The following PCDHGC4 variants were observed in gnomAD, a reference collection of about 807,000 sequenced individuals.
The protein encoded by PCDHGC4 is protocadherin gamma-C4.
PCDHGC4 carries 15 observed loss-of-function variants against 59.7 expected under a neutral mutation model. The observed-to-expected ratio is 0.25, with a 90% CI of 0.17 to 0.39. PCDHGC4 has a LOEUF of 0.39. Among genes scored for constraint, PCDHGC4 ranks in the 10% least tolerant of loss-of-function variants. The pLI is 1.00. For missense variants in PCDHGC4, 1,016 were observed against 1,189.5 expected, an observed-to-expected ratio of 0.85 and a Z score of 2.15; for synonymous variants, 434 against 481.4, an observed-to-expected ratio of 0.90 and a Z score of 1.29.
Position 141,491,590 on chromosome 5 carries a change from G to A in PCDHGC4, c.2443-3217G>A, listed in dbSNP as rs376104513. ...GACGTGCTTTTCACCGGCCTCGGAC[G>A]GCAGTGACTTCACTTTTCTAAGACC... On this transcript the variant is annotated intron_variant, in intron 1 of 3. Transcript: ENST00000306593. The surrounding 1 kb of genome is among the most constrained non-coding windows in gnomAD (Gnocchi z 6.9). 15 of 1,613,828 alleles carry A rather than the reference G, an allele frequency of 9.3e-6. No homozygotes were observed. In the African/African-American group the frequency reaches 2.0e-4, roughly 22 times the overall value.
rs2099883748 is a variant in PCDHGC4 at position 141,511,359 on chromosome 5, T to A, written c.*186T>A. On this transcript the variant is annotated 3_prime_UTR_variant, in exon 4 of 4. Transcript: ENST00000306593. ...CACCTACCCCTTCCCCCCCAGGGGGTTGAATATGCAAAAGCAGTTCCGCTG... is the reference window on the plus strand; with the variant it reads ...CACCTACCCCTTCCCCCCCAGGGGGATGAATATGCAAAAGCAGTTCCGCTG... 2 of 1,339,338 alleles carry A rather than the reference T, an allele frequency of 1.5e-6. No individual in the cohort carries two copies. Among genetic ancestry groups the A allele is most frequent in the Non-Finnish European group, 2.0e-6 (2 of 1,000,492 alleles). The allele number at this position is 1,339,338 out of a possible 1,614,324, so 83.0% of individuals were successfully genotyped here. A position where few individuals can be genotyped will look rare whatever the true frequency, so the allele number is the denominator to read the frequency against.
At position 141,491,456 on chromosome 5, in the gene PCDHGC4, C is replaced by G; in HGVS notation, c.2443-3351C>G. On this transcript the variant is annotated intron_variant, in intron 1 of 3. Transcript: ENST00000306593. The surrounding 1 kb of genome is among the most constrained non-coding windows in gnomAD (Gnocchi z 6.9). Reference sequence around the variant, plus strand: ...TGCAGGCGCCAGGACTCACCCTCCCCGGACTTCTATAAGCAGTCCAGCCCC... The same window carrying G: ...TGCAGGCGCCAGGACTCACCCTCCCGGGACTTCTATAAGCAGTCCAGCCCC... 1 of 1,614,104 alleles carries G rather than the reference C, an allele frequency of 6.2e-7. No homozygotes were observed. The highest frequency in any genetic ancestry group is 8.5e-7 in the Non-Finnish European group (1 of 1,180,010).
chr5:141,492,464 C>G (rs1595116794), intron 1 of PCDHGC4, among the ~76,000 whole-genome samples: 1 of 152,354 alleles, frequency 6.6e-6, no homozygotes, highest in Non-Finnish European at 1.5e-5. Context: ...GCCTGAGGGT[C>G]CCAGATCGCG....
Position 141,489,195 on chromosome 5 carries a change from A to G in PCDHGC4, c.2442+1580A>G, listed in dbSNP as rs200660227. ...ATTCCAAGCCCTGGGTCTACCTTGG[A>G]GACAGGACAGCACAGACTTACTCTC... is the stretch of plus-strand genomic sequence containing the variant. On this transcript the variant is annotated intron_variant, in intron 1 of 3. Transcript: ENST00000306593. This position sits in a 1 kb window ranked among gnomAD's most constrained non-coding sequence, Gnocchi z 4.5. 1.8e-5 allele frequency: 25 copies of G among 1,383,116 alleles called. No individual in the cohort carries two copies. The East Asian group carries it at 4.8e-4, about 27-fold the overall frequency. 85.7% of individuals were successfully genotyped at this position (1,383,116 alleles called of 1,614,324 possible). A position where few individuals can be genotyped will look rare whatever the true frequency, so the allele number is the denominator to read the frequency against.
chr5:141,493,340 T>C lies in PCDHGC4; in HGVS notation c.2443-1467T>C, dbSNP rs889623993. Among the ~76,000 whole-genome samples, 1 of 152,202 alleles carries C rather than the reference T, an allele frequency of 6.6e-6. No homozygotes were observed. Among genetic ancestry groups the C allele is most frequent in the Admixed American group, 6.5e-5 (1 of 15,288 alleles). Reference sequence around the variant, plus strand: ...TTCTAACCCCTGTCTAACTCCAGAATGTGTGCTTTTAATTTCTTGGCACTT... The same window carrying C: ...TTCTAACCCCTGTCTAACTCCAGAACGTGTGCTTTTAATTTCTTGGCACTT... On this transcript the variant is annotated intron_variant, in intron 1 of 3. Coordinates refer to ENST00000306593, the MANE Select transcript of PCDHGC4 (RefSeq NM_018928.3). The surrounding 1 kb of genome is among the most constrained non-coding windows in gnomAD (Gnocchi z 4.3).
intron 2 of PCDHGC4, among the ~76,000 whole-genome samples, chr5:141,500,001 A>G (rs961582279): frequency 6.6e-5 from 10 of 151,914 alleles, no homozygotes; most frequent in African/African-American, 2.4e-4. Context: ...TGATTCTTTC[A>G]TAAGGTCCAC....
chr5:141,496,021 G>C lies in PCDHGC4; in HGVS notation c.2501+1156G>C, dbSNP rs1011612662. Among the ~76,000 whole-genome samples, 3 of 151,454 alleles carry C rather than the reference G, an allele frequency of 2.0e-5. No individual in the cohort carries two copies. The East Asian group carries it at 5.8e-4, about 29-fold the overall frequency. ...CTTTTATCTTGTCTTTTTTCTCTGA[G>C]CCTCTGTCTCTGTCTCTCATTTTTT... On this transcript the variant is annotated intron_variant, in intron 2 of 3. Coordinates refer to ENST00000306593, the MANE Select transcript of PCDHGC4 (RefSeq NM_018928.3).
chr5:141,490,346 TG>T lies in PCDHGC4; in HGVS notation c.2442+2735del, dbSNP rs1458588422. ...GAGAGCACACCAGTGGGCACAGTAG[TG>T]GGGTTGTTTAATGTGCGAGACCGGG... On this transcript the variant is annotated intron_variant, in intron 1 of 3. Coordinates refer to ENST00000306593, the MANE Select transcript of PCDHGC4 (RefSeq NM_018928.3). The surrounding 1 kb of genome is among the most constrained non-coding windows in gnomAD (Gnocchi z 5.4). 1.2e-6 allele frequency: 2 copies of T among 1,614,164 alleles called. No individual in the cohort carries two copies. The highest frequency in any genetic ancestry group is 3.3e-5 in the Admixed American group (2 of 60,032).
rs1176011355 is a variant in PCDHGC4, at chr5:141,485,491, G to C, written c.318G>C (p.Leu106=). Reference sequence around the variant, plus strand: ...TCAGTGCCAGCTGCATCGTGCCCCTGGAGTTTGTCACCGAAGGTCCTTTGG... The same window carrying C: ...TCAGTGCCAGCTGCATCGTGCCCCTCGAGTTTGTCACCGAAGGTCCTTTGG... ...CGLSASCIVP[L]EFVTEGPLEM... The change falls in exon 1 of 4, where the codon CTG becomes CTC. Residue 106 remains leucine, a synonymous_variant. Coordinates refer to ENST00000306593, the MANE Select transcript of PCDHGC4 (RefSeq NM_018928.3). This position sits in a 1 kb window ranked among gnomAD's most constrained non-coding sequence, Gnocchi z 5.7. 6.2e-7 allele frequency: 1 copy of C among 1,614,142 alleles called. No homozygotes were observed. The highest frequency in any genetic ancestry group is 1.3e-5 in the African/African-American group (1 of 75,018).
At position 141,491,796 on chromosome 5, in the gene PCDHGC4, C is replaced by T. The variant is rs1487915203; in HGVS notation, c.2443-3011C>T. The stretch of plus-strand genomic sequence containing the variant: ...GATTGAACTTGCATCCACTCCTCTC[C>T]GGCCGGCTTGGTCGCTGGCTGCGCT... On this transcript the variant is annotated intron_variant, in intron 1 of 3. Transcript: ENST00000306593. The surrounding 1 kb of genome is among the most constrained non-coding windows in gnomAD (Gnocchi z 6.9). 6.6e-7 allele frequency: 1 copy of T among 1,509,866 alleles called. No homozygotes were observed. The highest frequency in any genetic ancestry group is 2.4e-5 in the Admixed American group (1 of 42,218). The allele number at this position is 1,509,866 out of a possible 1,614,324, so 93.5% of individuals were successfully genotyped here. A position where few individuals can be genotyped will look rare whatever the true frequency, so the allele number is the denominator to read the frequency against.
intron 2 of PCDHGC4, among the ~76,000 whole-genome samples, chr5:141,499,314 A>C (rs2099791047): frequency 6.6e-6 from 1 of 152,238 alleles, no homozygotes; most frequent in Non-Finnish European, 1.5e-5. Context: ...TCTGAGAGAC[A>C]GTATCCCTGC....
rs2099756055 is a variant in PCDHGC4, at chr5:141,494,679, C to T, written c.2443-128C>T. The T allele has an allele frequency of 3.9e-6, 6 of 1,556,494 alleles. No homozygotes were observed. In the South Asian group the frequency reaches 4.7e-5, roughly 12 times the overall value. ...GTCTTTGGAGATGAGTCCACCCCTG[C>T]CCCCTCTTAGTCCGTTTTCTTCTCT... is the stretch of plus-strand genomic sequence containing the variant. On this transcript the variant is annotated intron_variant, in intron 1 of 3. Coordinates refer to ENST00000306593, the MANE Select transcript of PCDHGC4 (RefSeq NM_018928.3).
chr5:141,498,437 G>C (rs996627716), intron 2 of PCDHGC4, among the ~76,000 whole-genome samples: 1 of 152,170 alleles, frequency 6.6e-6, no homozygotes, highest in Non-Finnish European at 1.5e-5. Flanking sequence ...GGGATGAAGA[G>C]GAGAGGTTCC....
chr5:141,485,797 C>T lies in PCDHGC4; in HGVS notation c.624C>T (p.Tyr208=). 1 of 1,614,228 alleles carries T rather than the reference C, an allele frequency of 6.2e-7. No homozygotes were observed. Among genetic ancestry groups the T allele is most frequent in the South Asian group, 1.1e-5 (1 of 91,092 alleles). The change falls in exon 1 of 4, where the codon TAC becomes TAT. Residue 208 remains tyrosine, a synonymous_variant. Coordinates refer to ENST00000306593, the MANE Select transcript of PCDHGC4 (RefSeq NM_018928.3). This position sits in a 1 kb window ranked among gnomAD's most constrained non-coding sequence, Gnocchi z 5.7. ...TGGATCGAGAGAAGCAATCGGACTACCGCCTGGTGCTGACTGCTGTCGATG... is the reference window on the plus strand; with the variant it reads ...TGGATCGAGAGAAGCAATCGGACTATCGCCTGGTGCTGACTGCTGTCGATG... ...KPLDREKQSD[Y]RLVLTAVDGG...
intron 3 of PCDHGC4, among the ~76,000 whole-genome samples, chr5:141,507,625 G>C (rs2099862215): frequency 6.6e-6 from 1 of 152,256 alleles, no homozygotes; most frequent in Non-Finnish European, 1.5e-5. Context: ...AGCTGTTGTG[G>C]CCTTGCGCCC....
Position 141,485,087 on chromosome 5 carries a change from T to G in PCDHGC4, c.-87T>G. The G allele has an allele frequency of 2.0e-6, 2 of 1,000,176 alleles. No homozygotes were observed. The highest frequency in any genetic ancestry group is 1.5e-6 in the Non-Finnish European group (1 of 651,808). 62.0% of individuals were successfully genotyped at this position (1,000,176 alleles called of 1,614,324 possible). A position where few individuals can be genotyped will look rare whatever the true frequency, so the allele number is the denominator to read the frequency against. The stretch of plus-strand genomic sequence containing the variant: ...CAGAGCTGGCGCGGGGAAAGGGAGA[T>G]AGGTGTCTCCAGCTGCTGTGGCTGT... On this transcript the variant is annotated 5_prime_UTR_variant, in exon 1 of 4. Transcript: ENST00000306593. This position sits in a 1 kb window ranked among gnomAD's most constrained non-coding sequence, Gnocchi z 5.7.
chr5:141,491,454 C>G lies in PCDHGC4; in HGVS notation c.2443-3353C>G. ...GCTGCAGGCGCCAGGACTCACCCTCCCCGGACTTCTATAAGCAGTCCAGCC... is the reference window on the plus strand; with the variant it reads ...GCTGCAGGCGCCAGGACTCACCCTCGCCGGACTTCTATAAGCAGTCCAGCC... On this transcript the variant is annotated intron_variant, in intron 1 of 3. Coordinates refer to ENST00000306593, the MANE Select transcript of PCDHGC4 (RefSeq NM_018928.3). This position sits in a 1 kb window ranked among gnomAD's most constrained non-coding sequence, Gnocchi z 6.9. The G allele has an allele frequency of 6.2e-7, 1 of 1,614,120 alleles. No individual in the cohort carries two copies. Among genetic ancestry groups the G allele is most frequent in the Non-Finnish European group, 8.5e-7 (1 of 1,180,032 alleles).
rs140088812 is a variant in PCDHGC4, at chr5:141,489,695, T to C, written c.2442+2080T>C. The C allele has an allele frequency of 6.2e-7, 1 of 1,614,088 alleles. No homozygotes were observed. The highest frequency in any genetic ancestry group is 1.3e-5 in the African/African-American group (1 of 75,026). On this transcript the variant is annotated intron_variant, in intron 1 of 3. Transcript: ENST00000306593. This position sits in a 1 kb window ranked among gnomAD's most constrained non-coding sequence, Gnocchi z 4.5. ...GAATCAGCAGCATCTGGGGCACGAT[T>C]CCCACTGGACAGTGCCCAGGATCCG...
chr5:141,496,077 C>G (rs1269618753), intron 2 of PCDHGC4, among the ~76,000 whole-genome samples: 1 of 152,042 alleles, frequency 6.6e-6, no homozygotes, highest in African/African-American at 2.4e-5. Flanking sequence ...CACACACAAC[C>G]CCCCACCCAC....
Sources: gnomAD v4.1 joint callset for allele counts (sites outside exome capture counted in the v4.1 genomes callset) on GRCh38, gnomAD v4.1.1 for gene constraint, Gnocchi (gnomAD v3.1) non-coding constraint, MANE v1.5 for transcripts, NCBI Gene and HGNC (gene_info 2026-07-23, HGNC 2026-07-21) for gene names.